Variants in CYP2C18 observed in about 807,000 individuals in gnomAD.
The protein encoded by CYP2C18 is cytochrome P450 2C18.
In CYP2C18, 38 loss-of-function variants were observed where a neutral mutation model predicts 41.3. The ratio of observed to expected loss-of-function variants is 0.92; its 90% CI spans 0.71 to 1.21. The LOEUF is 1.21. Ranked by LOEUF, CYP2C18 falls within the 50% of genes most tolerant of loss-of-function variation. CYP2C18 has a pLI of 0.00. For synonymous variants in CYP2C18, 236 were observed against 210.0 expected, an observed-to-expected ratio of 1.12 and a Z score of -1.07; for missense variants, 635 against 591.4, an observed-to-expected ratio of 1.07 and a Z score of -0.77.
intron 3 of CYP2C18, 117 bp from the exon 4 acceptor site, chr10:94,694,800 G>T: frequency 8.7e-7 from 1 of 1,144,242 alleles, no homozygotes; most frequent in Non-Finnish European, 1.2e-6. Context: ...GTGTTGATAA[G>T]AGAATTTCTA....
intron 7 of CYP2C18, 24 bp from the exon 8 acceptor site, chr10:94,733,273 G>A (rs1223131833): frequency 6.2e-7 from 1 of 1,606,692 alleles, no homozygotes; most frequent in South Asian, 1.1e-5. Flanking sequence ...TTATAACTTA[G>A]TTTGTCTGTT....
chr10:94,713,545 G>A (rs1289221308), intron 5 of CYP2C18, among the ~76,000 whole-genome samples: 1 of 152,178 alleles, frequency 6.6e-6, no homozygotes, highest in Non-Finnish European at 1.5e-5. Flanking sequence ...ATTCCATGGT[G>A]TATATGTGCC....
intron 6 of CYP2C18, among the ~76,000 whole-genome samples, chr10:94,721,660 G>A (rs1015839952): frequency 2.6e-5 from 4 of 151,980 alleles, no homozygotes; most frequent in Admixed American, 2.6e-4. Flanking sequence ...CACTCTGTAT[G>A]TCTCTGTGTA....
intron 1 of CYP2C18, among the ~76,000 whole-genome samples, chr10:94,684,381 C>T (rs1443262991): frequency 6.6e-6 from 1 of 152,152 alleles, no homozygotes; most frequent in Non-Finnish European, 1.5e-5. Context: ...CTCTGGTAGC[C>T]ACCATTCTAA....
chr10:94,691,589 C>T lies in CYP2C18; in HGVS notation c.481+3315C>T, dbSNP rs201147395. Among the ~76,000 whole-genome samples, 74 of 152,216 alleles carry T rather than the reference C, an allele frequency of 4.9e-4. No homozygotes were observed. The East Asian group carries it at 7.2e-3, about 15-fold the overall frequency. On this transcript the variant is annotated intron_variant, in intron 3 of 8. Transcript: ENST00000285979. ...GGAAGAATGAATATCATGAAAATGG[C>T]CATACCACCCAAGGTAATTTATAGA...
chr10:94,734,472 A>G (rs1847885475), intron 8 of CYP2C18, among the ~76,000 whole-genome samples: 1 of 152,188 alleles, frequency 6.6e-6, no homozygotes, highest in Non-Finnish European at 1.5e-5. Flanking sequence ...GCTCCAGTGG[A>G]AGCATGAATA....
At chr10:94,712,822 C>G (rs1240516417) in intron 5 of CYP2C18, among the ~76,000 whole-genome samples, 1 of 152,156 alleles carries the variant, frequency 6.6e-6, no homozygotes, top group Non-Finnish European at 1.5e-5. Flanking sequence ...CACAAGTGTT[C>G]CCCTTTTTCC....
intron 7 of CYP2C18, among the ~76,000 whole-genome samples, chr10:94,732,305 A>G (rs1847847565): frequency 6.6e-6 from 1 of 152,144 alleles, no homozygotes; most frequent in Non-Finnish European, 1.5e-5. Context: ...GGCTATGATT[A>G]AGAAGTCAAA....
chr10:94,719,718 G>T (rs149917524), intron 5 of CYP2C18, among the ~76,000 whole-genome samples: 1 of 151,914 alleles, frequency 6.6e-6, no homozygotes, highest in East Asian at 1.9e-4. Context: ...GAGATTACAG[G>T]CGCATGCCAT....
At chr10:94,694,857 A>G in intron 3 of CYP2C18, 60 bp from the exon 4 acceptor site, 4 of 1,549,814 alleles carry the variant, frequency 2.6e-6, no homozygotes, top group South Asian at 2.4e-5. Flanking sequence ...TCCTGTATCA[A>G]AGACAAAGTA....
chr10:94,697,069 CAGG>C (rs1417697253), intron 4 of CYP2C18, among the ~76,000 whole-genome samples: 7 of 152,158 alleles, frequency 4.6e-5, no homozygotes, highest in African/African-American at 1.4e-4. Flanking sequence ...CGATATTATC[CAGG>C]AGAACTTCCC....
At chr10:94,713,810 G>C (rs569988936) in intron 5 of CYP2C18, among the ~76,000 whole-genome samples, 3 of 152,330 alleles carry the variant, frequency 2.0e-5, no homozygotes, top group South Asian at 4.1e-4. Flanking sequence ...GTGTGTAAAA[G>C]TGTTCCTATT....
At chr10:94,716,644 G>C (rs76091266) in intron 5 of CYP2C18, among the ~76,000 whole-genome samples, 30,588 of 152,092 alleles carry the variant, frequency 0.2, 3,276 homozygotes, top group Middle Eastern at 0.23. Flanking sequence ...GTGCTGAGAA[G>C]AATGTAAATT....
rs146568393 is a variant in CYP2C18, at chr10:94,701,017, G to C, written c.643-5767G>C. Among the ~76,000 whole-genome samples the C allele has an allele frequency of 3.1e-3, 471 of 152,302 alleles. 3 individuals are homozygous for C. Among genetic ancestry groups the C allele is most frequent in the African/African-American group, 0.011 (448 of 41,562 alleles). ...GAAATAGGTACAGTTTTACACTGTT[G>C]GTGGGACTGTAAACTAGTTCAACCA... is the stretch of plus-strand genomic sequence containing the variant. On this transcript the variant is annotated intron_variant, in intron 4 of 8. Coordinates refer to ENST00000285979, the MANE Select transcript of CYP2C18 (RefSeq NM_000772.3).
intron 4 of CYP2C18, among the ~76,000 whole-genome samples, chr10:94,701,025 T>C (rs1026560633): frequency 1.3e-5 from 2 of 152,230 alleles, no homozygotes; most frequent in African/African-American, 4.8e-5. Flanking sequence ...TTGGTGGGAC[T>C]GTAAACTAGT....
At chr10:94,715,554 C>T (rs1847524048) in intron 5 of CYP2C18, among the ~76,000 whole-genome samples, 2 of 152,100 alleles carry the variant, frequency 1.3e-5, no homozygotes, top group Non-Finnish European at 2.9e-5. Flanking sequence ...GGTAGATAAG[C>T]TTTTTAATGT....
intron 6 of CYP2C18, among the ~76,000 whole-genome samples, chr10:94,722,528 A>T (rs1564647477): frequency 6.6e-6 from 1 of 152,152 alleles, no homozygotes; most frequent in Non-Finnish European, 1.5e-5. Context: ...CCAATTTGGC[A>T]GAGAGATTGA....
At chr10:94,715,491 T>C (rs542148057) in intron 5 of CYP2C18, among the ~76,000 whole-genome samples, 1 of 152,228 alleles carries the variant, frequency 6.6e-6, no homozygotes, top group Non-Finnish European at 1.5e-5. Flanking sequence ...CATTTATTGA[T>C]TTGCATATAT....
intron 7 of CYP2C18, among the ~76,000 whole-genome samples, chr10:94,732,511 C>A (rs1035878385): frequency 1.3e-5 from 2 of 152,042 alleles, no homozygotes; most frequent in African/African-American, 2.4e-5. Flanking sequence ...ACTAAAAAGA[C>A]ATGTGAACTT....
Sources: allele counts gnomAD v4.1 joint callset (sites outside exome capture counted in the v4.1 genomes callset), GRCh38; gene constraint gnomAD v4.1.1; transcripts MANE v1.5; gene names NCBI Gene and HGNC (gene_info 2026-07-23, HGNC 2026-07-21).